The following SI variants were observed in gnomAD, a reference collection of about 807,000 sequenced individuals.
The protein encoded by SI is sucrase-isomaltase.
Under a neutral mutation model 253.3 loss-of-function variants are expected in SI, and 235 were observed. The observed-to-expected ratio is 0.93, with a 90% confidence interval of 0.83 to 1.03. The LOEUF (loss-of-function observed/expected upper bound fraction) is 1.03. Among genes scored for constraint, SI ranks in the 50% least tolerant of loss-of-function variants. SI has a pLI of 0.00. For missense variants in SI, 2,442 were observed against 2,211.1 expected, an observed-to-expected ratio of 1.10 and a Z score of -2.09; for synonymous variants, 819 against 712.0, an observed-to-expected ratio of 1.15 and a Z score of -2.39.
chr3:164,983,308 G>A (rs1306240222), intron 45 of SI, among the ~76,000 whole-genome samples: 1 of 152,118 alleles, frequency 6.6e-6, no homozygotes, highest in African/African-American at 2.4e-5. Flanking sequence ...TGATAAAACA[G>A]TAACAGGTTT....
In SI at chr3:164,997,249, T is replaced by C. The variant is rs573500865; in HGVS notation, c.4541-477A>G. 1.1e-3 allele frequency among the ~76,000 whole-genome samples: 170 copies of C among 151,866 alleles called. 1 individual carries two copies. The highest frequency in any genetic ancestry group is 3.9e-3 in the African/African-American group (163 of 41,524). ...TATAAAATACAATGAATATGATTTC[T>C]GAGCTCTTATTTTAAAGGAATATTT... On this transcript the variant is annotated intron_variant, in intron 38 of 47. Coordinates refer to ENST00000264382, the MANE Select transcript of SI (RefSeq NM_001041.4).
At chr3:165,084,020 A>G in the SI span, among the ~76,000 whole-genome samples, 2 of 151,958 alleles carry the variant, frequency 1.3e-5, no homozygotes, top group African/African-American at 4.8e-5. Flanking sequence ...ATCCCCTCCA[A>G]ATTCATATGC....
chr3:165,074,712 T>C, intron 2 of SI, 45 bp from the exon 3 acceptor site: 1 of 1,483,226 alleles, frequency 6.7e-7, no homozygotes, highest in Non-Finnish European at 9.4e-7. Flanking sequence ...GACATTAAAT[T>C]AATTTTCTCA....
intron 3 of SI, among the ~76,000 whole-genome samples, chr3:165,072,907 TAA>T (rs1714675589): frequency 6.6e-6 from 1 of 152,160 alleles, no homozygotes; most frequent in African/African-American, 2.4e-5. Context: ...TGAGATATAC[TAA>T]GTTAAACTTT....
At chr3:165,017,293 T>G (rs1311293491) in intron 31 of SI, among the ~76,000 whole-genome samples, 1 of 151,884 alleles carries the variant, frequency 6.6e-6, no homozygotes, top group Non-Finnish European at 1.5e-5. Context: ...GGAAATCAAG[T>G]GCACAGTGAC....
At chr3:164,999,427 TAA>T (rs1304627271) in intron 37 of SI, among the ~76,000 whole-genome samples, 4 of 151,556 alleles carry the variant, frequency 2.6e-5, no homozygotes, top group East Asian at 1.9e-4. Flanking sequence ...GATTATATTA[TAA>T]GAGTATCAAT....
rs777786441 is a variant in SI at position 165,075,939 on chromosome 3, A to G, written c.74T>C (p.Ile25Thr). 38 of 1,599,982 alleles carry G rather than the reference A, an allele frequency of 2.4e-5. No individual in the cohort carries two copies. Among genetic ancestry groups the G allele is most frequent in the Non-Finnish European group, 3.1e-5 (36 of 1,169,414 alleles). Residue 25 changes from isoleucine to threonine, a missense_variant, in exon 2 of 48, where the codon ATT (isoleucine) becomes ACT (threonine). Physicochemically the swap from Ile to Thr is moderately conservative, Grantham distance 89 (BLOSUM62 -1). Coordinates refer to ENST00000264382, the MANE Select transcript of SI (RefSeq NM_001041.4). ...VLFVIVTIIA[I>T]ALIVVLATKT... ...AGTTGCTAAAACAACAATTAAGGCAATAGCTATTATAGTAACTATGACAAA... is the reference window on the plus strand; with the variant it reads ...AGTTGCTAAAACAACAATTAAGGCAGTAGCTATTATAGTAACTATGACAAA...
At chr3:165,018,882 C>T (rs950494666) in intron 28 of SI, among the ~76,000 whole-genome samples, 13 of 151,670 alleles carry the variant, frequency 8.6e-5, no homozygotes, top group Non-Finnish European at 2.9e-5. Context: ...GATATAAATG[C>T]AAGCTGTTTG....
rs979706369 is a variant in SI at position 165,026,524 on chromosome 3, A to G, written c.2893-2748T>C. On this transcript the variant is annotated intron_variant, in intron 25 of 47. Transcript: ENST00000264382. The stretch of plus-strand genomic sequence containing the variant: ...AGAACATTCTACCCAACAACCACAG[A>G]AGATACATTCTATTCATCAGCACAT... Among the ~76,000 whole-genome samples, 9 of 151,404 alleles carry G rather than the reference A, an allele frequency of 5.9e-5. No homozygotes were observed. The Admixed American group carries it at 5.9e-4, about 10-fold the overall frequency.
chr3:165,058,925 A>T (rs1277128913), intron 12 of SI, 38 bp downstream of exon 12: 4 of 1,583,538 alleles, frequency 2.5e-6, no homozygotes, highest in Non-Finnish European at 3.5e-6. Flanking sequence ...AGAGAAGAAA[A>T]TTTGAGCAAC....
At chr3:165,013,248 G>A (rs1317989871) in intron 33 of SI, among the ~76,000 whole-genome samples, 2 of 151,868 alleles carry the variant, frequency 1.3e-5, no homozygotes, top group Non-Finnish European at 1.5e-5. Flanking sequence ...CTTTAATATG[G>A]CAAATACAAA....
At chr3:164,989,792 A>AT (rs1275284284) in intron 44 of SI, among the ~76,000 whole-genome samples, 32 of 152,158 alleles carry the variant, frequency 2.1e-4, no homozygotes, top group Admixed American at 2.1e-3. Context: ...TCATGGAGGA[A>AT]TCTTAAATGC....
At chr3:165,029,233 C>A (rs575429996) in intron 25 of SI, among the ~76,000 whole-genome samples, 21 of 150,664 alleles carry the variant, frequency 1.4e-4, no homozygotes, top group Non-Finnish European at 2.8e-4. Context: ...CAATGTAATA[C>A]CACCTTACTC....
chr3:165,067,135 A>C (rs1451026839), intron 6 of SI, among the ~76,000 whole-genome samples: 1 of 151,902 alleles, frequency 6.6e-6, no homozygotes, highest in Non-Finnish European at 1.5e-5. Flanking sequence ...TCTTTGTTCA[A>C]CCTTTATTTG....
At chr3:164,992,032 A>G (rs1410019683) in intron 43 of SI, 145 bp downstream of exon 43, 3 of 738,698 alleles carry the variant, frequency 4.1e-6, no homozygotes, top group Non-Finnish European at 7.3e-6. Flanking sequence ...GATTAATTCA[A>G]TTCAGCTATA....
intron 2 of SI, among the ~76,000 whole-genome samples, chr3:165,075,473 C>T (rs1288884650): frequency 6.6e-6 from 1 of 151,962 alleles, no homozygotes; most frequent in Non-Finnish European, 1.5e-5. Flanking sequence ...CAACCTCTCT[C>T]TCTCCTTAAA....
intron 45 of SI, among the ~76,000 whole-genome samples, chr3:164,983,252 G>A (rs1717282042): frequency 6.6e-6 from 1 of 152,124 alleles, no homozygotes; most frequent in East Asian, 1.9e-4. Flanking sequence ...CACCAGGTAA[G>A]GTCCTAAGAG....
chr3:165,058,169 A>T (rs1713791463), intron 12 of SI, among the ~76,000 whole-genome samples: 1 of 152,052 alleles, frequency 6.6e-6, no homozygotes, highest in East Asian at 1.9e-4. Context: ...AAAATTGAAC[A>T]ATATGCTCCT....
intron 37 of SI, among the ~76,000 whole-genome samples, chr3:165,000,979 T>C (rs1718231744): frequency 6.6e-6 from 1 of 151,222 alleles, no homozygotes; most frequent in Admixed American, 6.6e-5. Flanking sequence ...AAGTTTTTTA[T>C]AGAAGTAAAA....
Sources: gnomAD v4.1 joint callset for allele counts (sites outside exome capture counted in the v4.1 genomes callset) on GRCh38, gnomAD v4.1.1 for gene constraint, MANE v1.5 for transcripts, NCBI Gene and HGNC (gene_info 2026-07-23, HGNC 2026-07-21) for gene names.